SNX25: variants seen among roughly 807,000 people sequenced by gnomAD.
The protein encoded by SNX25 is sorting nexin 25, also known as sorting nexin-25.
A neutral mutation model predicts 113.7 loss-of-function variants in SNX25; 62 were observed. That is an observed-to-expected ratio of 0.55 (90% CI 0.44 to 0.67). The LOEUF is 0.67. Among genes scored for constraint, SNX25 ranks in the 30% least tolerant of loss-of-function variants. The probability of loss-of-function intolerance (pLI) is 0.00; values close to 1 mark genes in which losing one functional copy is unlikely to be tolerated. For missense variants in SNX25, 1,014 were observed against 1,161.0 expected, an observed-to-expected ratio of 0.87 and a Z score of 1.84; for synonymous variants, 421 against 436.2, an observed-to-expected ratio of 0.97 and a Z score of 0.43.
rs1269311066 is a variant in SNX25 at position 185,259,171 on chromosome 4, C to T, written c.731+107C>T. On this transcript the variant is annotated intron_variant, in intron 3 of 18. Transcript: ENST00000652585. ...TAGAATATTCTGCCTATTGCTGGCA[C>T]TTGCTTGAAAATGTAGATTTATTAA... The T allele has an allele frequency of 3.3e-6, 3 of 905,946 alleles. No homozygotes were observed. In the East Asian group the frequency reaches 7.7e-5, roughly 23 times the overall value. 56.1% of individuals were successfully genotyped at this position (905,946 alleles called of 1,614,324 possible).
chr4:185,310,985 G>T (rs1457936394), intron 7 of SNX25, among the ~76,000 whole-genome samples, 169 bp downstream of exon 7: 1 of 152,146 alleles, frequency 6.6e-6, no homozygotes, highest in African/African-American at 2.4e-5. Flanking sequence ...TGGTGTCCTT[G>T]ACCTGTATGG....
intron 2 of SNX25, among the ~76,000 whole-genome samples, chr4:185,251,598 C>CGTGT (rs71593618): frequency 0.035 from 5,195 of 147,148 alleles, 95 homozygotes; most frequent in Middle Eastern, 0.062. Context: ...TATTCCATTG[C>CGTGT]GTGTGTGTGT....
intron 9 of SNX25, among the ~76,000 whole-genome samples, chr4:185,324,795 C>T (rs910506540): frequency 6.6e-6 from 1 of 151,994 alleles, no homozygotes; most frequent in Non-Finnish European, 1.5e-5. Flanking sequence ...TCAATCCAGA[C>T]CCTTAAAAAG....
chr4:185,290,943 G>A (rs879106377), intron 6 of SNX25, among the ~76,000 whole-genome samples: 2 of 152,196 alleles, frequency 1.3e-5, no homozygotes, highest in Admixed American at 1.3e-4. Context: ...ACGTGGTCAG[G>A]AATTCTCATG....
chr4:185,303,960 A>G (rs539246290), intron 6 of SNX25, among the ~76,000 whole-genome samples: 2 of 152,296 alleles, frequency 1.3e-5, no homozygotes, highest in South Asian at 2.1e-4. Flanking sequence ...TTCCTTAGCA[A>G]CTGTTGAGGT....
intron 17 of SNX25, 69 bp from the exon 18 acceptor site, chr4:185,362,542 C>T: frequency 6.9e-7 from 1 of 1,444,216 alleles, no homozygotes; most frequent in African/African-American, 1.4e-5. Flanking sequence ...TGTTGTATTC[C>T]TTTCACTGCA....
intron 1 of SNX25, among the ~76,000 whole-genome samples, chr4:185,233,937 A>G (rs1742228469): frequency 1.3e-5 from 2 of 152,118 alleles, no homozygotes; most frequent in South Asian, 2.1e-4. Context: ...GGCTCACTGT[A>G]AACTCTGCCT....
intron 5 of SNX25, among the ~76,000 whole-genome samples, chr4:185,280,365 A>G (rs1052215355): frequency 1.3e-5 from 2 of 152,264 alleles, no homozygotes; most frequent in African/African-American, 4.8e-5. Flanking sequence ...GCTGGAAAAT[A>G]TTAATTATAA....
rs368296403 is a variant in SNX25, at chr4:185,339,493, T to A, written c.2029T>A (p.Ser677Thr). 94 of 1,613,670 alleles carry A rather than the reference T, an allele frequency of 5.8e-5. No individual in the cohort carries two copies. The highest frequency in any genetic ancestry group is 7.0e-5 in the Non-Finnish European group (82 of 1,179,784). Reference protein sequence around the residue: ...WCENLGMWKASITSGEVTEEN... With the variant: ...WCENLGMWKATITSGEVTEEN... Reference sequence around the variant, plus strand: ...TGAAAACCTTGGCATGTGGAAAGCCTCCATCACCAGTGGAGAGGTAGTTTT... The same window carrying A: ...TGAAAACCTTGGCATGTGGAAAGCCACCATCACCAGTGGAGAGGTAGTTTT... Residue 677 changes from serine to threonine, a missense_variant, in exon 11 of 19, where the codon TCC (serine) becomes ACC (threonine). Physicochemically the swap from Ser to Thr is moderately conservative, Grantham distance 58. Coordinates refer to ENST00000652585, the MANE Select transcript of SNX25 (RefSeq NM_001378034.2).
chr4:185,261,316 A>G (rs928401318), intron 3 of SNX25, among the ~76,000 whole-genome samples: 1 of 152,080 alleles, frequency 6.6e-6, no homozygotes, highest in Non-Finnish European at 1.5e-5. Flanking sequence ...AGCTGGGATT[A>G]TAGGCATGTG....
At chr4:185,310,531 A>AAATG in intron 6 of SNX25, 104 bp from the exon 7 acceptor site, 1 of 881,996 alleles carries the variant, frequency 1.1e-6, no homozygotes, top group South Asian at 2.6e-5. Context: ...TTTAGTATCC[A>AAATG]CTTGGTTCAG....
intron 1 of SNX25, among the ~76,000 whole-genome samples, chr4:185,246,454 A>T (rs1407644940): frequency 6.6e-6 from 1 of 152,036 alleles, no homozygotes; most frequent in East Asian, 1.9e-4. Flanking sequence ...ATGGTATCTC[A>T]TTGCTCTAAT....
At chr4:185,207,407 G>C (rs1470675706), upstream of SNX25, among the ~76,000 whole-genome samples, 3 of 151,724 alleles carry the variant, frequency 2.0e-5, no homozygotes, top group East Asian at 5.8e-4. Flanking sequence ...TAGTAGAGAC[G>C]GGGTTTTGCC....
At position 185,210,536 on chromosome 4, in the gene SNX25, C is replaced by CTA. The variant is rs1560887586; in HGVS notation, c.429+282_429+283dup. On this transcript the variant is annotated intron_variant, in intron 1 of 18. Coordinates refer to ENST00000652585, the MANE Select transcript of SNX25 (RefSeq NM_001378034.2). This position sits in a 1 kb window ranked among gnomAD's most constrained non-coding sequence, Gnocchi z 4.4. ...TCGACAACCATCCTCAGTCACAACCCTAAGGGTGTCCCCAGACCTTCGGTG... is the reference window on the plus strand; with the variant it reads ...TCGACAACCATCCTCAGTCACAACCCTATAAGGGTGTCCCCAGACCTTCGGTG... Among the ~76,000 whole-genome samples, 1 of 152,220 alleles carries CTA rather than the reference C, an allele frequency of 6.6e-6. No individual in the cohort carries two copies. Among genetic ancestry groups the CTA allele is most frequent in the African/African-American group, 2.4e-5 (1 of 41,462 alleles).
downstream of SNX25, among the ~76,000 whole-genome samples, chr4:185,373,907 CTATAG>C (rs1186307777): frequency 6.6e-6 from 1 of 152,020 alleles, no homozygotes; most frequent in Non-Finnish European, 1.5e-5. Context: ...AGCTTTGATA[CTATAG>C]TATACAAAAT....
downstream of SNX25, chr4:185,370,670 A>G (rs764229930): frequency 3.3e-5 from 54 of 1,613,870 alleles, 1 homozygote; most frequent in Admixed American, 9.0e-4. Flanking sequence ...CGGTTGTTTC[A>G]TCCCTGGTGA....
chr4:185,367,665 G>A (rs564436715), downstream of SNX25, among the ~76,000 whole-genome samples: 26 of 152,162 alleles, frequency 1.7e-4, no homozygotes, highest in Admixed American at 3.3e-4. Context: ...ATAGTGACAA[G>A]GTGCATAATT....
intron 6 of SNX25, among the ~76,000 whole-genome samples, chr4:185,293,692 A>T (rs1400220161): frequency 6.6e-6 from 1 of 152,142 alleles, no homozygotes; most frequent in African/African-American, 2.4e-5. Context: ...ATTTTACAGA[A>T]AATTTTTGAC....
the SNX25 span, chr4:185,378,448 C>T: frequency 7.9e-7 from 1 of 1,265,746 alleles, no homozygotes; most frequent in South Asian, 2.0e-5. Context: ...CACCATGAGA[C>T]CTGTTTGCAC....
Sources: gnomAD v4.1 joint callset for allele counts (sites outside exome capture counted in the v4.1 genomes callset) on GRCh38, gnomAD v4.1.1 for gene constraint, Gnocchi (gnomAD v3.1) non-coding constraint, MANE v1.5 for transcripts, NCBI Gene and HGNC (gene_info 2026-07-23, HGNC 2026-07-21) for gene names.